DHX57: variants seen among roughly 807,000 people sequenced by gnomAD.
DHX57 encodes the protein DExH-box helicase 57, also known as putative ATP-dependent RNA helicase DHX57.
Under a neutral mutation model 156.2 loss-of-function variants are expected in DHX57, and 105 were observed. The ratio of observed to expected loss-of-function variants is 0.67; its 90% confidence interval spans 0.57 to 0.79. The LOEUF (loss-of-function observed/expected upper bound fraction) is 0.79. DHX57 is among the 30% of genes least tolerant of loss of function. The pLI is 0.00. For missense variants in DHX57, 1,847 were observed against 1,661.9 expected (o/e 1.11, Z -1.94); for synonymous variants, 704 against 595.6 (o/e 1.18, Z -2.65).
At chr2:38,811,368 C>T (rs1262597206) in intron 21 of DHX57, 6 of 539,352 alleles carry the variant, frequency 1.1e-5, no homozygotes, top group African/African-American at 3.8e-5. Flanking sequence ...GCAATTTCCA[C>T]TTGTTTGCGG....
intron 11 of DHX57, among the ~76,000 whole-genome samples, chr2:38,844,849 G>A (rs1672185049): frequency 6.6e-6 from 1 of 152,088 alleles, no homozygotes; most frequent in Non-Finnish European, 1.5e-5. Context: ...GGTTTTATAG[G>A]TAGGAAACTA....
Position 38,815,603 on chromosome 2 carries a change from A to T in DHX57, c.3524T>A (p.Phe1175Tyr). Residue 1175 changes from phenylalanine to tyrosine, a missense_variant, in exon 20 of 24, where the codon TTT becomes TAT. Transcript: ENST00000457308. ...CCTTGCTCTGAGCCCTTCCCTTGCA[A>T]ACCCTATATCCGATAACAGTTCCGT... ...QFTELLSDIG[F>Y]AREGLRAREI... 1 of 1,614,008 alleles carries T rather than the reference A, an allele frequency of 6.2e-7. No homozygotes were observed. Among genetic ancestry groups the T allele is most frequent in the South Asian group, 1.1e-5 (1 of 91,064 alleles).
At chr2:38,848,529 T>G in intron 9 of DHX57, 127 bp from the exon 10 acceptor site, 1 of 934,808 alleles carries the variant, frequency 1.1e-6, no homozygotes, top group Non-Finnish European at 1.6e-6. Flanking sequence ...TTAACGTTCA[T>G]AGAACAATAT....
In DHX57 at chr2:38,861,725, T is replaced by G; in HGVS notation, c.685A>C (p.Arg229=). The G allele has an allele frequency of 6.2e-7, 1 of 1,614,142 alleles. No individual in the cohort carries two copies. Among genetic ancestry groups the G allele is most frequent in the East Asian group, 2.2e-5 (1 of 44,874 alleles). The change falls in exon 5 of 24, where the codon AGG becomes CGG. Residue 229 remains arginine (R), a synonymous_variant. Coordinates refer to ENST00000457308, the MANE Select transcript of DHX57 (RefSeq NM_198963.3). ...TQCFSETFGE[R]MKISEAVNQI... ...TTGACTGCCTCAGAGATCTTCATCCTCTCTCCAAATGTCTCTGAAAAACAC... is the reference window on the plus strand; with the variant it reads ...TTGACTGCCTCAGAGATCTTCATCCGCTCTCCAAATGTCTCTGAAAAACAC...
chr2:38,845,882 T>G (rs1218477345), intron 11 of DHX57, among the ~76,000 whole-genome samples: 8 of 151,772 alleles, frequency 5.3e-5, no homozygotes, highest in African/African-American at 1.9e-4. Flanking sequence ...TTTTTTTTTT[T>G]TGAGACAGAG....
At chr2:38,816,549 T>A (rs1670557015) in intron 19 of DHX57, among the ~76,000 whole-genome samples, 1 of 152,182 alleles carries the variant, frequency 6.6e-6, no homozygotes, top group South Asian at 2.1e-4. Flanking sequence ...TTTTAGTGGC[T>A]GAGCACAAAT....
intron 2 of DHX57, 31 bp from the exon 3 acceptor site, chr2:38,863,550 C>T: frequency 6.3e-7 from 1 of 1,599,956 alleles, no homozygotes; most frequent in Non-Finnish European, 8.5e-7. Flanking sequence ...AAATTACACA[C>T]ATATCTTCAA....
chr2:38,870,347 C>T (rs902842019), intron 1 of DHX57, among the ~76,000 whole-genome samples: 3 of 152,108 alleles, frequency 2.0e-5, no homozygotes, highest in South Asian at 4.1e-4. Flanking sequence ...AATCAATAAC[C>T]TCTACATGCA....
intron 14 of DHX57, among the ~76,000 whole-genome samples, chr2:38,827,735 T>G (rs1479740057): frequency 6.6e-6 from 1 of 151,634 alleles, no homozygotes; most frequent in Non-Finnish European, 1.5e-5. Flanking sequence ...TTGAAGATGA[T>G]TTTCTCTCAT....
intron 3 of DHX57, 56 bp from the exon 4 acceptor site, chr2:38,862,389 A>C: frequency 7.1e-7 from 1 of 1,406,296 alleles, no homozygotes; most frequent in South Asian, 1.9e-5. Context: ...ACTTCAAAGA[A>C]AAATTTAGCA....
At chr2:38,802,685 C>T in intron 23 of DHX57, 30 bp downstream of exon 23, 1 of 1,612,528 alleles carries the variant, frequency 6.2e-7, no homozygotes, top group Non-Finnish European at 8.5e-7. Context: ...ATGGCCTGAG[C>T]CTCATAAAAC....
intron 4 of DHX57, 34 bp downstream of exon 4, chr2:38,862,111 T>C (rs1673259523): frequency 6.5e-7 from 1 of 1,548,256 alleles, no homozygotes; most frequent in Admixed American, 1.9e-5. Context: ...CCTTGAATTC[T>C]TTCCCAACTC....
intron 11 of DHX57, 69 bp from the exon 12 acceptor site, chr2:38,843,279 G>A: frequency 6.6e-7 from 1 of 1,505,604 alleles, no homozygotes; most frequent in Admixed American, 1.7e-5. Context: ...GAATTCACCT[G>A]TTTCACGTGC....
intron 13 of DHX57, among the ~76,000 whole-genome samples, chr2:38,832,243 C>T (rs968874758): frequency 6.6e-6 from 1 of 151,996 alleles, no homozygotes; most frequent in African/African-American, 2.4e-5. Flanking sequence ...AATTCAATAC[C>T]AGCTTGGCCA....
intron 13 of DHX57, among the ~76,000 whole-genome samples, chr2:38,833,757 T>C (rs1163657285): frequency 6.6e-6 from 1 of 152,152 alleles, no homozygotes; most frequent in Non-Finnish European, 1.5e-5. Flanking sequence ...GCAATTTTCT[T>C]TCAATGAATA....
intron 23 of DHX57, among the ~76,000 whole-genome samples, chr2:38,798,931 A>G (rs1424119261): frequency 6.6e-6 from 1 of 151,550 alleles, no homozygotes; most frequent in Non-Finnish European, 1.5e-5. Flanking sequence ...TGACATAGCG[A>G]GACTCTGTCC....
At chr2:38,858,875 C>T (rs757617962) in intron 5 of DHX57, 39 bp from the exon 6 acceptor site, 32 of 1,564,374 alleles carry the variant, frequency 2.0e-5, no homozygotes, top group Admixed American at 4.3e-5. Flanking sequence ...GTATGGAGCC[C>T]TTTCTTTAAC....
intron 11 of DHX57, among the ~76,000 whole-genome samples, chr2:38,845,409 G>A (rs571348711): frequency 6.6e-6 from 1 of 152,072 alleles, no homozygotes; most frequent in East Asian, 1.9e-4. Flanking sequence ...ACTGGTTTTG[G>A]GTTTTTACCT....
chr2:38,810,438 T>C, intron 21 of DHX57: 1 of 528,984 alleles, frequency 1.9e-6, no homozygotes. Context: ...AGGGGTCTAT[T>C]TGGCAGTGAC....
Sources: gnomAD v4.1 joint callset for allele counts (sites outside exome capture counted in the v4.1 genomes callset) on GRCh38, gnomAD v4.1.1 for gene constraint, MANE v1.5 for transcripts, NCBI Gene and HGNC (gene_info 2026-07-23, HGNC 2026-07-21) for gene names.